TASOR2: variants seen among roughly 807,000 people sequenced by gnomAD.
The protein encoded by TASOR2 is transcription activation suppressor family member 2.
TASOR2 carries 84 observed loss-of-function variants against 199.5 expected under a neutral mutation model. That is an observed-to-expected ratio of 0.42 (90% confidence interval 0.35 to 0.50). The LOEUF is 0.50. TASOR2 is among the 20% of genes least tolerant of loss of function. TASOR2 has a pLI of 0.02. For missense variants in TASOR2, 2,796 were observed against 2,835.9 expected (o/e 0.99, Z 0.32); for synonymous variants, 1,103 against 1,046.6 (o/e 1.05, Z -1.04).
chr10:5,739,587 A>G, intron 12 of TASOR2, 31 bp from the exon 14 acceptor site: 1 of 1,579,838 alleles, frequency 6.3e-7, no homozygotes, highest in South Asian at 1.2e-5. Context: ...ACAAGCAAAC[A>G]TCTCTCTTTT....
intron 1 of TASOR2, among the ~76,000 whole-genome samples, chr10:5,709,021 G>A (rs553042962): frequency 6.6e-6 from 1 of 152,106 alleles, no homozygotes; most frequent in East Asian, 1.9e-4. Context: ...CTTTTTTAAT[G>A]TAGAGCCTGT....
chr10:5,708,143 A>T (rs1393998895), intron 1 of TASOR2, among the ~76,000 whole-genome samples: 1 of 152,240 alleles, frequency 6.6e-6, no homozygotes, highest in African/African-American at 2.4e-5. Context: ...GACTCATGAT[A>T]AAAACTGAAA....
chr10:5,691,750 C>T (rs1836446996), intron 1 of TASOR2, among the ~76,000 whole-genome samples: 1 of 152,180 alleles, frequency 6.6e-6, no homozygotes, highest in Admixed American at 6.5e-5. Flanking sequence ...CCAAACACTT[C>T]ATCTTCCCCC....
At chr10:5,686,088 T>C (rs1835780935) in intron 1 of TASOR2, among the ~76,000 whole-genome samples, 1 of 152,148 alleles carries the variant, frequency 6.6e-6, no homozygotes, top group Admixed American at 6.5e-5. Context: ...GTCGAAAAAC[T>C]GCCTTATAGG....
At chr10:5,693,280 C>T (rs1461388631) in intron 1 of TASOR2, among the ~76,000 whole-genome samples, 1 of 152,160 alleles carries the variant, frequency 6.6e-6, no homozygotes, top group African/African-American at 2.4e-5. Context: ...CCTATGTAAA[C>T]CTACAATAGC....
chr10:5,736,470 T>C (rs1588815684), intron 12 of TASOR2, among the ~76,000 whole-genome samples: 1 of 151,504 alleles, frequency 6.6e-6, no homozygotes, highest in South Asian at 2.1e-4. Context: ...CCTAGGCTGG[T>C]CTTGAACTCC....
intron 20 of TASOR2, 61 bp from the exon 22 acceptor site, chr10:5,762,968 A>T: frequency 5.9e-6 from 9 of 1,523,218 alleles, no homozygotes; most frequent in Non-Finnish European, 8.1e-6. Context: ...CATCCCGCTT[A>T]TAAAATATTT....
chr10:5,714,374 G>C, intron 2 of TASOR2, 167 bp downstream of exon 3: 1 of 401,000 alleles, frequency 2.5e-6, no homozygotes, highest in Non-Finnish European at 4.3e-6. Flanking sequence ...TGAGATTTGA[G>C]TCTAAAACTT....
At position 5,726,909 on chromosome 10, in the gene TASOR2, C is replaced by T. The variant is rs527511149; in HGVS notation, c.376C>T (p.Arg126Ter). 3 of 1,613,748 alleles carry T rather than the reference C, an allele frequency of 1.9e-6. No individual in the cohort carries two copies. Among genetic ancestry groups the T allele is most frequent in the Non-Finnish European group, 2.5e-6 (3 of 1,179,894 alleles). ...GGCAATCATCAAATGCTTAGAAGATCGAGGGTTTTTCATTTTACTTACATC... is the reference window on the plus strand; with the variant it reads ...GGCAATCATCAAATGCTTAGAAGATTGAGGGTTTTTCATTTTACTTACATC... Residue 126 changes from arginine (R) to a stop codon, truncating the protein, a stop_gained, in exon 9 of 21, where the codon CGA becomes TGA. Coordinates refer to ENST00000328090, the Ensembl canonical transcript of TASOR2. LOFTEE classifies it high-confidence loss of function.
chr10:5,758,505 T>C (rs954879195), intron 17 of TASOR2, among the ~76,000 whole-genome samples: 3 of 152,078 alleles, frequency 2.0e-5, no homozygotes, highest in African/African-American at 7.2e-5. Context: ...GCCACCACAC[T>C]CCAGCCTGGG....
At chr10:5,692,992 GCTCACCCA>G (rs1836651858) in intron 1 of TASOR2, 2 of 152,400 alleles carry the variant, frequency 1.3e-5, no homozygotes, top group East Asian at 1.9e-4. Flanking sequence ...CCTGGGGCGG[GCTCACCCA>G]CGGAGGTGAC....
rs761537745 is a variant in TASOR2, at chr10:5,750,899, G to A, written c.6606+872G>A. Among the ~76,000 whole-genome samples the A allele has an allele frequency of 2.0e-5, 3 of 152,142 alleles. No homozygotes were observed. Among genetic ancestry groups the A allele is most frequent in the Non-Finnish European group, 4.4e-5 (3 of 68,034 alleles). On this transcript the variant is annotated intron_variant, in intron 15 of 20. Coordinates refer to ENST00000328090, the Ensembl canonical transcript of TASOR2. The surrounding 1 kb of genome is among the most constrained non-coding windows in gnomAD (Gnocchi z 5.4). ...TCTAGGATCATAGGTGTCTAGAATTGTCATGTCTTCAGTCTGCAATAGTTC... is the reference window on the plus strand; with the variant it reads ...TCTAGGATCATAGGTGTCTAGAATTATCATGTCTTCAGTCTGCAATAGTTC...
At chr10:5,763,601 T>A (rs1352429057) in exon 21 of TASOR2, 2 of 152,170 alleles carry the variant, frequency 1.3e-5, no homozygotes, top group Non-Finnish European at 2.9e-5. Context: ...AAATAATCAT[T>A]TATTTATGAT....
chr10:5,714,882 G>A (rs2131555341), intron 2 of TASOR2, among the ~76,000 whole-genome samples: 1 of 152,296 alleles, frequency 6.6e-6, no homozygotes, highest in South Asian at 2.1e-4. Context: ...CATAAATATA[G>A]TTGGGAAAGG....
rs1837812032 is a variant in TASOR2, at chr10:5,750,074, A to T, written c.6606+47A>T. ...ACGTATTATTTTAATTGCTGATTTT[A>T]GTTTTAGAAATAATAAATTTAGCAT... On this transcript the variant is annotated intron_variant, in intron 15 of 20. Coordinates refer to ENST00000328090, the Ensembl canonical transcript of TASOR2. The surrounding 1 kb of genome is among the most constrained non-coding windows in gnomAD (Gnocchi z 5.4). 6.6e-6 allele frequency: 10 copies of T among 1,516,110 alleles called. No individual in the cohort carries two copies. The highest frequency in any genetic ancestry group is 8.8e-6 in the Non-Finnish European group (10 of 1,135,936). The allele number at this position is 1,516,110 out of a possible 1,614,324, so 93.9% of individuals were successfully genotyped here.
At chr10:5,739,983 A>G in exon 13 of TASOR2, 1 of 1,614,138 alleles carries the variant, frequency 6.2e-7, no homozygotes, top group Non-Finnish European at 8.5e-7. Context: ...TGATAGGAAG[A>G]GTAATTCTGG....
chr10:5,711,670 C>T (rs895870095), intron 1 of TASOR2, among the ~76,000 whole-genome samples: 6 of 152,066 alleles, frequency 3.9e-5, no homozygotes, highest in Non-Finnish European at 8.8e-5. Flanking sequence ...GTCGGTAATT[C>T]TCAATTAGGA....
exon 16 of TASOR2, chr10:5,756,718 A>G: frequency 6.2e-7 from 1 of 1,612,488 alleles, no homozygotes; most frequent in Non-Finnish European, 8.5e-7. Flanking sequence ...AAATGAAGAT[A>G]TATCATCACA....
At chr10:5,734,080 A>C (rs1313616040) in intron 11 of TASOR2, among the ~76,000 whole-genome samples, 3 of 152,188 alleles carry the variant, frequency 2.0e-5, no homozygotes, top group Non-Finnish European at 1.5e-5. Context: ...TAGTGTCCTT[A>C]GTGAGAAGTA....
Sources: allele counts gnomAD v4.1 joint callset (sites outside exome capture counted in the v4.1 genomes callset), GRCh38; gene constraint gnomAD v4.1.1; non-coding constraint Gnocchi (gnomAD v3.1); transcripts MANE v1.5; gene names NCBI Gene and HGNC (gene_info 2026-07-23, HGNC 2026-07-21).